The following TSC1 variants were observed in gnomAD, a reference collection of about 807,000 sequenced individuals.
The protein encoded by TSC1 is TSC complex subunit 1.
A neutral mutation model predicts 124.3 loss-of-function variants in TSC1; 20 were observed. That is an observed-to-expected ratio of 0.16 (90% CI 0.11 to 0.23). TSC1 has a LOEUF of 0.23. Among genes scored for constraint, TSC1 ranks in the 10% least tolerant of loss-of-function variants. The probability of loss-of-function intolerance (pLI) is 1.00; values close to 1 mark genes in which losing one functional copy is unlikely to be tolerated. For missense variants in TSC1, 1,124 were observed against 1,448.5 expected, an observed-to-expected ratio of 0.78 and a Z score of 3.64; for synonymous variants, 493 against 539.1, an observed-to-expected ratio of 0.91 and a Z score of 1.19.
chr9:132,907,109 T>C (rs1845712785), intron 13 of TSC1, among the ~76,000 whole-genome samples, 192 bp downstream of exon 13: 1 of 152,254 alleles, frequency 6.6e-6, no homozygotes, highest in Non-Finnish European at 1.5e-5. Context: ...GGTACTTCAC[T>C]GCAATAGCTT....
chr9:132,926,964 A>G (rs1846899670), intron 4 of TSC1: 1 of 484,470 alleles, frequency 2.1e-6, no homozygotes, highest in Admixed American at 3.1e-5. Context: ...GAGCCACCAC[A>G]CCCGGCCCAA....
rs35234317 is a variant in TSC1 at position 132,908,901 on chromosome 9, C to CTTTTTTTTTTTTTTTTTTTTTTTTTT, written c.1264-1532_1264-1531insAAAAAAAAAAAAAAAAAAAAAAAAAA. 3.4e-4 allele frequency among the ~76,000 whole-genome samples: 41 copies of CTTTTTTTTTTTTTTTTTTTTTTTTTT among 121,494 alleles called. 2 individuals carry two copies. Among genetic ancestry groups the CTTTTTTTTTTTTTTTTTTTTTTTTTT allele is most frequent in the Middle Eastern group, 4.3e-3 (1 of 234 alleles). The allele number at this position is 121,494 out of a possible 152,430, so 79.7% of individuals were successfully genotyped here. A position where few individuals can be genotyped will look rare whatever the true frequency, so the allele number is the denominator to read the frequency against. On this transcript the variant is annotated intron_variant, in intron 12 of 22. Transcript: ENST00000298552. ...TTAAAACCCACTAGTCTACCTTGCA[C>CTTTTTTTTTTTTTTTTTTTTTTTTTT]TTTTTTTTTTTTTTTTTGTGACAGT...
intron 15 of TSC1, among the ~76,000 whole-genome samples, chr9:132,904,996 A>T (rs1184358172): frequency 6.6e-6 from 1 of 152,236 alleles, no homozygotes; most frequent in Non-Finnish European, 1.5e-5. Context: ...GAAGAAAAAT[A>T]AAAATATTCC....
intron 2 of TSC1, among the ~76,000 whole-genome samples, chr9:132,932,193 AGAT>A (rs1365611771): frequency 1.3e-5 from 2 of 152,264 alleles, no homozygotes; most frequent in African/African-American, 4.8e-5. Flanking sequence ...ACAGTGCTGT[AGAT>A]GATGCTAGTC....
At chr9:132,928,072 C>T (rs1846987410) in intron 3 of TSC1, among the ~76,000 whole-genome samples, 1 of 152,128 alleles carries the variant, frequency 6.6e-6, no homozygotes, top group South Asian at 2.1e-4. Context: ...GTTTTTTCCA[C>T]TGAACAGTAT....
chr9:132,923,650 A>C lies in TSC1; in HGVS notation c.364-158T>G, dbSNP rs908945508. On this transcript the variant is annotated intron_variant, in intron 5 of 22. Coordinates refer to ENST00000298552, the MANE Select transcript of TSC1 (RefSeq NM_000368.5). The surrounding 1 kb of genome is among the most constrained non-coding windows in gnomAD (Gnocchi z 4.2). ...TATCCCTAAGGATTACTGAAGGGAT[A>C]ACATTCAAACAGACTCAACAGAACA... 6 of 998,196 alleles carry C rather than the reference A, an allele frequency of 6.0e-6. No individual in the cohort carries two copies. The highest frequency in any genetic ancestry group is 9.1e-6 in the Non-Finnish European group (6 of 662,056). The allele number at this position is 998,196 out of a possible 1,614,324, so 61.8% of individuals were successfully genotyped here.
chr9:132,913,758 GGAATTTGCAGTGAGCC>G (rs1446617007), intron 8 of TSC1, among the ~76,000 whole-genome samples: 2 of 148,762 alleles, frequency 1.3e-5, no homozygotes, highest in Non-Finnish European at 3.0e-5. Flanking sequence ...CCCAGGAGGC[GGAATTTGCAGTGAGCC>G]GAGATTACGC....
At chr9:132,933,553 G>T (rs181931269) in intron 2 of TSC1, among the ~76,000 whole-genome samples, 84 of 152,244 alleles carry the variant, frequency 5.5e-4, no homozygotes, top group African/African-American at 1.6e-3. Context: ...CAGGTACAAG[G>T]TTCCTTCCAG....
At chr9:132,939,915 C>A (rs1847651582) in intron 1 of TSC1, among the ~76,000 whole-genome samples, 1 of 152,016 alleles carries the variant, frequency 6.6e-6, no homozygotes, top group Admixed American at 6.5e-5. Context: ...GGGGGTGGGG[C>A]CTTCTAGGTA....
intron 15 of TSC1, 21 bp downstream of exon 15, chr9:132,905,560 G>C (rs767596931): frequency 6.2e-7 from 1 of 1,613,394 alleles, no homozygotes; most frequent in South Asian, 1.1e-5. Flanking sequence ...TAACACAGAA[G>C]AGAGTGCCCC....
Position 132,895,505 on chromosome 9 carries a change from AT to A in TSC1, c.*729del, listed in dbSNP as rs1222458448. 8 of 233,620 alleles carry A rather than the reference AT, an allele frequency of 3.4e-5. No individual in the cohort carries two copies. The highest frequency in any genetic ancestry group is 6.8e-5 in the Non-Finnish European group (8 of 118,162). The allele number at this position is 233,620 out of a possible 1,614,324, so 14.5% of individuals were successfully genotyped here. A position where few individuals can be genotyped will look rare whatever the true frequency, so the allele number is the denominator to read the frequency against. The stretch of plus-strand genomic sequence containing the variant: ...CAGCATTCAAGCAAACACCAAATAA[AT>A]AAGAGGTAGTGGGGGAAGAAGAGAC... On this transcript the variant is annotated 3_prime_UTR_variant, in exon 23 of 23. Coordinates refer to ENST00000298552, the MANE Select transcript of TSC1 (RefSeq NM_000368.5).
intron 5 of TSC1, 43 bp downstream of exon 5, chr9:132,925,544 T>C (rs1301040374): frequency 6.2e-7 from 1 of 1,612,812 alleles, no homozygotes; most frequent in East Asian, 2.2e-5. Flanking sequence ...TCAGAAACTA[T>C]ACTCATAAAA....
intron 15 of TSC1, 85 bp downstream of exon 15, chr9:132,905,496 A>T: frequency 6.3e-7 from 1 of 1,592,674 alleles, no homozygotes; most frequent in Non-Finnish European, 8.6e-7. Flanking sequence ...AGTGTGAAGA[A>T]TGATTCTTGT....
Position 132,896,595 on chromosome 9 carries a change from A to G in TSC1, c.3135T>C (p.Leu1045=), listed in dbSNP as rs1332702219. 3 of 1,613,534 alleles carry G rather than the reference A, an allele frequency of 1.9e-6. No homozygotes were observed. In the African/African-American group the frequency reaches 4.0e-5, roughly 22 times the overall value. The change falls in exon 23 of 23, where the codon CTT becomes CTC. Residue 1045 remains leucine (L), a synonymous_variant. Transcript: ENST00000298552. This position sits in a 1 kb window ranked among gnomAD's most constrained non-coding sequence, Gnocchi z 4.5. ...GGTGTGGGGGTTTCTCTGGGGTAGA[A>G]AGCTCGCTGCTGCTGCTGCTGCTGC... ...GGGSSSSSSE[L]STPEKPPHQR...
At chr9:132,899,330 A>G (rs188460612) in intron 20 of TSC1, 54 of 152,400 alleles carry the variant, frequency 3.5e-4, no homozygotes, top group African/African-American at 1.2e-3. Context: ...CACACCTGGC[A>G]ACCATGAGTG....
At chr9:132,912,750 G>T in intron 8 of TSC1, 1 of 397,020 alleles carries the variant, frequency 2.5e-6, no homozygotes, top group South Asian at 2.3e-5. Flanking sequence ...CATAAGCTAT[G>T]CAGCAGAGCA....
At position 132,906,448 on chromosome 9, in the gene TSC1, C is replaced by T; in HGVS notation, c.1438+283G>A. 1.9e-6 allele frequency: 1 copy of T among 526,090 alleles called. No homozygotes were observed. The highest frequency in any genetic ancestry group is 3.4e-6 in the Non-Finnish European group (1 of 294,336). 32.6% of individuals were successfully genotyped at this position (526,090 alleles called of 1,614,324 possible). ...CCTGTGGTCCCAGCTACTCAGGAGG[C>T]TGAGGTGGGCGGATTGCTTGAGCCT... On this transcript the variant is annotated intron_variant, in intron 14 of 22. Transcript: ENST00000298552. The surrounding 1 kb of genome is among the most constrained non-coding windows in gnomAD (Gnocchi z 4.1).
rs115321728 is a variant in TSC1 at position 132,932,635 on chromosome 9, G to T, written c.-81+2398C>A. ...ATGAGTAGCCTACAAGGCCTCATAAGATCCAGCCAGTTATTAACCTCCCAA... is the reference window on the plus strand; with the variant it reads ...ATGAGTAGCCTACAAGGCCTCATAATATCCAGCCAGTTATTAACCTCCCAA... On this transcript the variant is annotated intron_variant, in intron 2 of 22. Transcript: ENST00000298552. 1.9e-3 allele frequency among the ~76,000 whole-genome samples: 283 copies of T among 152,234 alleles called. 2 individuals carry two copies. The highest frequency in any genetic ancestry group is 6.3e-3 in the African/African-American group (262 of 41,528).
In TSC1 at chr9:132,923,750, G is replaced by A. The variant is rs1846697910; in HGVS notation, c.364-258C>T. 7 of 478,530 alleles carry A rather than the reference G, an allele frequency of 1.5e-5. No homozygotes were observed. The highest frequency in any genetic ancestry group is 1.3e-4 in the South Asian group (6 of 44,736). 29.6% of individuals were successfully genotyped at this position (478,530 alleles called of 1,614,324 possible). ...ACCTATGCAAAGGCATCCGGGAGAC[G>A]AGTTCAAACTTGACTTGGGGACACC... On this transcript the variant is annotated intron_variant, in intron 5 of 22. Transcript: ENST00000298552. The surrounding 1 kb of genome is among the most constrained non-coding windows in gnomAD (Gnocchi z 4.2).
Sources: allele counts gnomAD v4.1 joint callset (sites outside exome capture counted in the v4.1 genomes callset), GRCh38; gene constraint gnomAD v4.1.1; non-coding constraint Gnocchi (gnomAD v3.1); transcripts MANE v1.5; gene names NCBI Gene and HGNC (gene_info 2026-07-23, HGNC 2026-07-21).